The following NEK9 variants were observed in gnomAD, a reference collection of about 807,000 sequenced individuals.
The protein encoded by NEK9 is NIMA related kinase 9.
In NEK9, 75 loss-of-function variants were observed where a neutral mutation model predicts 123.4. The ratio of observed to expected loss-of-function variants is 0.61; its 90% CI spans 0.50 to 0.74. The LOEUF (loss-of-function observed/expected upper bound fraction) is 0.74, where lower values mean the gene tolerates loss of function less well. Among genes scored for constraint, NEK9 ranks in the 30% least tolerant of loss-of-function variants. The pLI is 0.00. For missense variants in NEK9, 952 were observed against 1,214.4 expected (o/e 0.78, Z 3.21); for synonymous variants, 438 against 458.7 (o/e 0.95, Z 0.58).
At chr14:75,091,166 A>G (rs1894201926) in intron 19 of NEK9, 104 bp downstream of exon 19, 1 of 902,000 alleles carries the variant, frequency 1.1e-6, no homozygotes, top group Non-Finnish European at 1.6e-6. Context: ...AGGATGCACA[A>G]CAGTTTACTA....
Position 75,087,209 on chromosome 14 carries a change from C to T in NEK9, c.2626G>A (p.Val876Ile). Reference protein sequence around the residue: ...EASSPRLNPAVTCAGKGTPLT... With the variant: ...EASSPRLNPAITCAGKGTPLT... ...GGTGTTCCCTTCCCAGCACAGGTTA[C>T]TGCAGGATTCAGCCGAGGTGACTAG... Residue 876 changes from valine (V) to isoleucine (I), a missense_variant, in exon 21 of 22, where the codon GTA becomes ATA. By Grantham distance (29) the Val-to-Ile change is conservative. Transcript: ENST00000238616. The T allele has an allele frequency of 6.2e-7, 1 of 1,612,044 alleles. No individual in the cohort carries two copies. The highest frequency in any genetic ancestry group is 8.5e-7 in the Non-Finnish European group (1 of 1,178,244).
chr14:75,102,028 A>G (rs1894600974), intron 14 of NEK9, among the ~76,000 whole-genome samples: 1 of 152,236 alleles, frequency 6.6e-6, no homozygotes, highest in Non-Finnish European at 1.5e-5. Context: ...TAAAACATGA[A>G]CTTTCCATCC....
At chr14:75,117,504 T>G (rs541536173) in intron 5 of NEK9, among the ~76,000 whole-genome samples, 178 bp from the exon 6 acceptor site, 1 of 152,190 alleles carries the variant, frequency 6.6e-6, no homozygotes, top group Non-Finnish European at 1.5e-5. Flanking sequence ...CTTATTCATA[T>G]CAAACCTCTT....
intron 4 of NEK9, among the ~76,000 whole-genome samples, chr14:75,119,736 A>C (rs1895262024): frequency 6.6e-6 from 1 of 152,254 alleles, no homozygotes; most frequent in Admixed American, 6.5e-5. Context: ...TAGTCATCTA[A>C]ATAAAATCAC....
intron 18 of NEK9, among the ~76,000 whole-genome samples, chr14:75,092,438 T>G (rs1393708391): frequency 6.6e-6 from 1 of 152,084 alleles, no homozygotes; most frequent in Non-Finnish European, 1.5e-5. Context: ...GGCTAATTTT[T>G]GTATTTTCAG....
At chr14:75,086,076 C>A (rs1050992631) in intron 21 of NEK9, among the ~76,000 whole-genome samples, 1 of 151,798 alleles carries the variant, frequency 6.6e-6, no homozygotes, top group Non-Finnish European at 1.5e-5. Context: ...ATAGTCCCAG[C>A]TACTCGGGAG....
Position 75,114,230 on chromosome 14 carries a change from GATCAATTCC to G in NEK9, c.837_845del (p.Leu279_Ile282delinsPhe). On this transcript the variant is annotated inframe_deletion, in exon 7 of 22. Transcript: ENST00000238616. ...GGTCAAGGCACGAATGAACCATTTG[GATCAATTCC>G]AAAGAGTACTGGCTAGAGTCAACTT... 1 of 1,613,808 alleles carries G rather than the reference GATCAATTCC, an allele frequency of 6.2e-7. No individual in the cohort carries two copies. The highest frequency in any genetic ancestry group is 8.5e-7 in the Non-Finnish European group (1 of 1,179,742).
chr14:75,110,673 T>C (rs886194606), intron 8 of NEK9, among the ~76,000 whole-genome samples: 2 of 152,028 alleles, frequency 1.3e-5, no homozygotes, highest in Non-Finnish European at 2.9e-5. Flanking sequence ...TAGTATCTGA[T>C]GGACACCTTC....
rs751357379 is a variant in NEK9 at position 75,114,248 on chromosome 14, C to T, written c.828G>A (p.Gln276=). ...GIRAMEVDSS[Q]YSLELIQMVH... is the part of the protein sequence containing the mutation. The stretch of plus-strand genomic sequence containing the variant: ...CCATTTGGATCAATTCCAAAGAGTA[C>T]TGGCTAGAGTCAACTTCCATGGCCC... The change falls in exon 7 of 22, where the codon CAG becomes CAA. Residue 276 remains glutamine, a synonymous_variant. Transcript: ENST00000238616. The T allele has an allele frequency of 9.3e-6, 15 of 1,613,958 alleles. No homozygotes were observed. The highest frequency in any genetic ancestry group is 1.1e-5 in the Non-Finnish European group (13 of 1,179,980).
intron 11 of NEK9, 34 bp from the exon 12 acceptor site, chr14:75,106,736 G>A (rs1016663542): frequency 1.3e-6 from 2 of 1,560,476 alleles, no homozygotes; most frequent in Non-Finnish European, 8.8e-7. Flanking sequence ...TCCATCAAAG[G>A]ACTGACTTAT....
intron 10 of NEK9, among the ~76,000 whole-genome samples, chr14:75,109,380 G>A (rs974380427): frequency 6.6e-6 from 1 of 152,182 alleles, no homozygotes; most frequent in Admixed American, 6.5e-5. Flanking sequence ...GAGTAATTGA[G>A]TGACTTGTCT....
At chr14:75,122,050 TTC>T (rs1251966095) in intron 2 of NEK9, among the ~76,000 whole-genome samples, 1 of 152,232 alleles carries the variant, frequency 6.6e-6, no homozygotes, top group African/African-American at 2.4e-5. Flanking sequence ...GTGAATTTAC[TTC>T]TCTCTTTCCT....
rs749972684 is a variant in NEK9 at position 75,084,652 on chromosome 14, T to A, written c.2852A>T (p.Lys951Met). 1.2e-6 allele frequency: 2 copies of A among 1,614,172 alleles called. No individual in the cohort carries two copies. Among genetic ancestry groups the A allele is most frequent in the Non-Finnish European group, 1.7e-6 (2 of 1,180,008 alleles). The change falls in exon 22 of 22, where the codon AAG becomes ATG. Residue 951 changes from lysine (K) to methionine (M), a missense_variant. Around this residue, in one of 4 missense-constraint regions of NEK9, gnomAD observed 698 missense variants for 875.6 expected, o/e 0.80. Transcript: ENST00000238616. ...GMHSKGTQTA[K>M]EEMEMDPKPD... ...CTTTGGATCCATTTCCATCTCTTCC[T>A]TTGCTGTCTGAGTTCCTTTGGAATG...
intron 10 of NEK9, 99 bp from the exon 11 acceptor site, chr14:75,107,586 C>T (rs1046820410): frequency 1.1e-5 from 11 of 1,028,318 alleles, no homozygotes; most frequent in African/African-American, 1.7e-5. Flanking sequence ...CCAAGCTGGT[C>T]TTGAACTCCT....
intron 2 of NEK9, among the ~76,000 whole-genome samples, chr14:75,121,774 G>A (rs921948769): frequency 6.6e-6 from 1 of 152,196 alleles, no homozygotes; most frequent in African/African-American, 2.4e-5. Flanking sequence ...TCGCCTGAGC[G>A]TGGGAGGATC....
chr14:75,107,753 G>A (rs927442509), intron 10 of NEK9, among the ~76,000 whole-genome samples: 2 of 152,074 alleles, frequency 1.3e-5, no homozygotes, highest in African/African-American at 2.4e-5. Flanking sequence ...TAGAAAAAAA[G>A]AGCTAGAAAT....
chr14:75,098,834 T>C lies in NEK9; in HGVS notation c.2003-1564A>G, dbSNP rs113284394. Among the ~76,000 whole-genome samples, 913 of 152,302 alleles carry C rather than the reference T, an allele frequency of 6.0e-3. 8 individuals carry two copies. The highest frequency in any genetic ancestry group is 0.021 in the African/African-American group (879 of 41,576). On this transcript the variant is annotated intron_variant, in intron 16 of 21. Transcript: ENST00000238616. Reference sequence around the variant, plus strand: ...TAAAGTCATGAACTACACAGATCTATTCAAGAAACATGAGCTCTCTGAAGC... The same window carrying C: ...TAAAGTCATGAACTACACAGATCTACTCAAGAAACATGAGCTCTCTGAAGC...
At chr14:75,119,435 A>C (rs780256737) in intron 4 of NEK9, among the ~76,000 whole-genome samples, 29 of 152,238 alleles carry the variant, frequency 1.9e-4, no homozygotes, top group Non-Finnish European at 3.8e-4. Context: ...TGGGGACTTT[A>C]AAGGAGTGAA....
Position 75,105,919 on chromosome 14 carries a change from G to C in NEK9, c.1575+31C>G, listed in dbSNP as rs370875730. ...ATTGGAGTCTGTGCGACTTAAGATAGGTTTTAGAAATAAGTTGCTTCTGAT... is the reference window on the plus strand; with the variant it reads ...ATTGGAGTCTGTGCGACTTAAGATACGTTTTAGAAATAAGTTGCTTCTGAT... On this transcript the variant is annotated intron_variant, in intron 13 of 21. Coordinates refer to ENST00000238616, the MANE Select transcript of NEK9 (RefSeq NM_033116.6). The C allele has an allele frequency of 3.5e-5, 55 of 1,566,330 alleles. 1 individual carries two copies. The South Asian group carries it at 5.0e-4, about 14-fold the overall frequency.
Sources: allele counts gnomAD v4.1 joint callset (sites outside exome capture counted in the v4.1 genomes callset), GRCh38; gene constraint gnomAD v4.1.1; regional missense constraint gnomAD v4.1.1; transcripts MANE v1.5; gene names NCBI Gene and HGNC (gene_info 2026-07-23, HGNC 2026-07-21).